Variants in DMXL2 observed in about 807,000 individuals in gnomAD.
The protein encoded by DMXL2 is Dmx like 2.
DMXL2 carries 103 observed loss-of-function variants against 331.1 expected under a neutral mutation model. That is an observed-to-expected ratio of 0.31 (90% CI 0.27 to 0.37). DMXL2 has a LOEUF of 0.37. Among genes scored for constraint, DMXL2 ranks in the 10% least tolerant of loss-of-function variants. The pLI is 1.00. For missense variants in DMXL2, 3,171 were observed against 3,642.9 expected (o/e 0.87, Z 3.33); for synonymous variants, 1,281 against 1,252.1 (o/e 1.02, Z -0.49).
intron 1 of DMXL2, among the ~76,000 whole-genome samples, chr15:51,614,612 A>C (rs192532912): frequency 9.0e-4 from 137 of 152,250 alleles, no homozygotes; most frequent in African/African-American, 3.2e-3. Flanking sequence ...TATACCAAGA[A>C]GTATTATAAA....
rs1317949527 is a variant in DMXL2, at chr15:51,488,254, T to G, written c.5052-135A>C. On this transcript the variant is annotated intron_variant, in intron 21 of 43. Coordinates refer to ENST00000560891, the MANE Select transcript of DMXL2 (RefSeq NM_001378457.1). Reference sequence around the variant, plus strand: ...TAACTTCAAGGACAGGCATTTGTTATCAAGCATCTCTTCACTTCTTCTAAG... The same window carrying G: ...TAACTTCAAGGACAGGCATTTGTTAGCAAGCATCTCTTCACTTCTTCTAAG... The G allele has an allele frequency of 3.5e-6, 3 of 861,432 alleles. No homozygotes were observed. The East Asian group carries it at 8.5e-5, about 24-fold the overall frequency. The allele number at this position is 861,432 out of a possible 1,614,324, so 53.4% of individuals were successfully genotyped here. A position where few individuals can be genotyped will look rare whatever the true frequency, so the allele number is the denominator to read the frequency against.
intron 15 of DMXL2, among the ~76,000 whole-genome samples, chr15:51,511,848 T>TAC (rs2046774967): frequency 1.2e-4 from 19 of 152,160 alleles, no homozygotes; most frequent in Admixed American, 1.1e-3. Flanking sequence ...CACCATGGAA[T>TAC]ACTATGCAGC....
chr15:51,571,913 A>G (rs1399458139), intron 2 of DMXL2, among the ~76,000 whole-genome samples: 2 of 152,348 alleles, frequency 1.3e-5, no homozygotes, highest in East Asian at 3.9e-4. Context: ...AAAAGCTAGC[A>G]GAAGGCAAGA....
Position 51,587,317 on chromosome 15 carries a change from C to T in DMXL2, c.88-11136G>A, listed in dbSNP as rs112340740. On this transcript the variant is annotated intron_variant, in intron 1 of 43. Coordinates refer to ENST00000560891, the MANE Select transcript of DMXL2 (RefSeq NM_001378457.1). ...ATATCTCCTAATGCTATCCCTCCCC[C>T]GTCCCCCCACCCCACAACAGGTCCC... Among the ~76,000 whole-genome samples, 312 of 152,176 alleles carry T rather than the reference C, an allele frequency of 2.1e-3. 2 individuals carry two copies. Among genetic ancestry groups the T allele is most frequent in the African/African-American group, 7.0e-3 (292 of 41,504 alleles).
At chr15:51,593,194 C>T (rs983678480) in intron 1 of DMXL2, among the ~76,000 whole-genome samples, 11 of 152,024 alleles carry the variant, frequency 7.2e-5, no homozygotes, top group East Asian at 1.9e-4. Flanking sequence ...GACACACATA[C>T]GCTCAAAACA....
intron 41 of DMXL2, among the ~76,000 whole-genome samples, chr15:51,452,764 G>A (rs2039263148): frequency 6.6e-6 from 1 of 152,086 alleles, no homozygotes; most frequent in African/African-American, 2.4e-5. Flanking sequence ...AGGAAAAGAA[G>A]TCATTATATG....
chr15:51,497,785 T>C (rs548874890), intron 18 of DMXL2, among the ~76,000 whole-genome samples: 2 of 152,270 alleles, frequency 1.3e-5, no homozygotes, highest in African/African-American at 4.8e-5. Context: ...TGGAGAAAAT[T>C]AGGTAATTGT....
Position 51,547,357 on chromosome 15 carries a change from T to G in DMXL2, c.619A>C (p.Ile207Leu). ...WYPMTGWKSSIIPQDHHEVKR... is the reference protein window; with the variant it reads ...WYPMTGWKSSLIPQDHHEVKR... ...ACTTCATGATGATCCTGAGGTATAA[T>G]TGAAGACTTCCAACCAGTCATAGGA... is the stretch of plus-strand genomic sequence containing the variant. The change falls in exon 7 of 44, where the codon ATT becomes CTT. Residue 207 changes from isoleucine (I) to leucine (L), a missense_variant. Ile to Leu is a conservative substitution (Grantham distance 5). Transcript: ENST00000560891. The G allele has an allele frequency of 6.2e-7, 1 of 1,612,070 alleles. No individual in the cohort carries two copies. The highest frequency in any genetic ancestry group is 8.5e-7 in the Non-Finnish European group (1 of 1,178,962).
At chr15:51,517,626 T>C (rs1411478291) in intron 13 of DMXL2, among the ~76,000 whole-genome samples, 9 of 152,180 alleles carry the variant, frequency 5.9e-5, no homozygotes, top group Admixed American at 3.3e-4. Flanking sequence ...CCCAAAACTT[T>C]CTGCTAAAAA....
intron 14 of DMXL2, among the ~76,000 whole-genome samples, chr15:51,516,036 A>T (rs1472841484): frequency 6.6e-6 from 1 of 152,206 alleles, no homozygotes; most frequent in Non-Finnish European, 1.5e-5. Flanking sequence ...TATCTATATT[A>T]GCAGAAATGA....
intron 18 of DMXL2, 112 bp downstream of exon 18, chr15:51,498,440 T>G: frequency 9.1e-7 from 1 of 1,102,492 alleles, no homozygotes; most frequent in Non-Finnish European, 1.3e-6. Context: ...GGAGGTCTTT[T>G]CCCTGCAAAG....
chr15:51,495,569 G>C (rs992223120), intron 18 of DMXL2, among the ~76,000 whole-genome samples: 1 of 152,034 alleles, frequency 6.6e-6, no homozygotes, highest in Non-Finnish European at 1.5e-5. Flanking sequence ...TTTCTACTTT[G>C]GTTAAATTAA....
intron 1 of DMXL2, among the ~76,000 whole-genome samples, chr15:51,583,046 A>C (rs1380920076): frequency 6.7e-6 from 1 of 150,140 alleles, no homozygotes; most frequent in Non-Finnish European, 1.5e-5. Context: ...TTTTCCACTT[A>C]GTTAACAATG....
rs1483799601 is a variant in DMXL2, at chr15:51,547,123, G to C, written c.746+107C>G. The C allele has an allele frequency of 1.6e-5, 12 of 733,348 alleles. No homozygotes were observed. The Admixed American group carries it at 4.5e-4, about 27-fold the overall frequency. The allele number at this position is 733,348 out of a possible 1,614,324, so 45.4% of individuals were successfully genotyped here. A position where few individuals can be genotyped will look rare whatever the true frequency, so the allele number is the denominator to read the frequency against. ...TTTGATTTCAGGCAGCTTGATGCCA[G>C]AGCCTATGCTATTAATTGCCACCAT... On this transcript the variant is annotated intron_variant, in intron 7 of 43. Transcript: ENST00000560891.
intron 19 of DMXL2, among the ~76,000 whole-genome samples, chr15:51,493,189 C>G (rs974501519): frequency 2.0e-5 from 3 of 152,098 alleles, no homozygotes; most frequent in Non-Finnish European, 2.9e-5. Flanking sequence ...AAATCTCTGT[C>G]TGCTGTGAGA....
chr15:51,505,783 AAAT>A (rs1234798112), intron 16 of DMXL2, among the ~76,000 whole-genome samples: 6 of 152,264 alleles, frequency 3.9e-5, no homozygotes, highest in Non-Finnish European at 8.8e-5. Flanking sequence ...TCACTGTATT[AAAT>A]GTTATATAAA....
chr15:51,554,776 G>A (rs750299972), intron 6 of DMXL2, among the ~76,000 whole-genome samples: 4 of 152,170 alleles, frequency 2.6e-5, no homozygotes, highest in Admixed American at 6.5e-5. Context: ...AAACCATCAC[G>A]AAGACTTGGT....
intron 1 of DMXL2, among the ~76,000 whole-genome samples, chr15:51,612,392 A>C (rs2054029988): frequency 6.6e-6 from 1 of 152,118 alleles, no homozygotes; most frequent in Non-Finnish European, 1.5e-5. Context: ...ATATCGGGGG[A>C]AATTCACCCC....
intron 13 of DMXL2, among the ~76,000 whole-genome samples, chr15:51,526,860 T>C (rs984652666): frequency 4.0e-5 from 6 of 151,800 alleles, no homozygotes; most frequent in African/African-American, 1.5e-4. Context: ...GAAAAATGAA[T>C]AAAAAACAAC....
Sources: allele counts gnomAD v4.1 joint callset (sites outside exome capture counted in the v4.1 genomes callset), GRCh38; gene constraint gnomAD v4.1.1; transcripts MANE v1.5; gene names NCBI Gene and HGNC (gene_info 2026-07-23, HGNC 2026-07-21).